The following MTMR3 variants were observed in gnomAD, a reference collection of about 807,000 sequenced individuals.
The protein encoded by MTMR3 is phosphatidylinositol-3,5-bisphosphate 3-phosphatase MTMR3.
In MTMR3, 32 loss-of-function variants were observed where a neutral mutation model predicts 132.4. The ratio of observed to expected loss-of-function variants is 0.24; its 90% CI spans 0.18 to 0.32. MTMR3 has a LOEUF of 0.32. MTMR3 is among the 10% of genes least tolerant of loss of function. The pLI is 1.00. For missense variants in MTMR3, 1,216 were observed against 1,489.6 expected (o/e 0.82, Z 3.02); for synonymous variants, 556 against 550.3 (o/e 1.01, Z -0.14).
At chr22:30,017,677 G>A (rs1378119105) in intron 15 of MTMR3, 2 of 442,388 alleles carry the variant, frequency 4.5e-6, no homozygotes, top group Non-Finnish European at 7.9e-6. Flanking sequence ...ATGAGAAAGG[G>A]ATCTAAAAAA....
chr22:30,018,297 A>G (rs965135895), intron 16 of MTMR3: 6 of 496,574 alleles, frequency 1.2e-5, no homozygotes, highest in Middle Eastern at 5.1e-4. Flanking sequence ...GTTGTTTTGC[A>G]TACACTGAGC....
In MTMR3 at chr22:30,002,907, C is replaced by T; in HGVS notation, c.585C>T (p.Leu195=). The change falls in exon 9 of 20, where the codon CTC becomes CTT. Residue 195 remains leucine, a synonymous_variant. Coordinates refer to ENST00000401950, the MANE Select transcript of MTMR3 (RefSeq NM_021090.4). ...YKLCGSYPQE[L]IVPAWITDKE... is the part of the protein sequence containing the mutation. ...TATGTGGTAGCTATCCTCAAGAGCTCATAGTGCCTGCCTGGATCACTGACA... is the reference window on the plus strand; with the variant it reads ...TATGTGGTAGCTATCCTCAAGAGCTTATAGTGCCTGCCTGGATCACTGACA... 1 of 1,613,996 alleles carries T rather than the reference C, an allele frequency of 6.2e-7. No homozygotes were observed. The highest frequency in any genetic ancestry group is 8.5e-7 in the Non-Finnish European group (1 of 1,179,904).
chr22:29,942,587 T>C (rs548770215), intron 1 of MTMR3, among the ~76,000 whole-genome samples: 1 of 152,178 alleles, frequency 6.6e-6, no homozygotes, highest in Non-Finnish European at 1.5e-5. Flanking sequence ...ATCCCTCCGC[T>C]ACGACCGTAA....
intron 1 of MTMR3, among the ~76,000 whole-genome samples, chr22:29,936,307 C>T (rs2065748969): frequency 6.6e-6 from 1 of 152,156 alleles, no homozygotes; most frequent in South Asian, 2.1e-4. Flanking sequence ...GTTGCAGACT[C>T]ATTAATAAAC....
At chr22:29,923,373 G>C (rs1307916064) in intron 1 of MTMR3, among the ~76,000 whole-genome samples, 1 of 151,518 alleles carries the variant, frequency 6.6e-6, no homozygotes, top group East Asian at 1.9e-4. Context: ...TGCCCAGCTT[G>C]TATTTTTTTT....
At chr22:29,888,768 C>G (rs1425031918) in intron 1 of MTMR3, among the ~76,000 whole-genome samples, 1 of 101,882 alleles carries the variant, frequency 9.8e-6, no homozygotes, top group Non-Finnish European at 1.9e-5. Context: ...TTAGTTAATA[C>G]TTTTTTTTTT....
intron 1 of MTMR3, among the ~76,000 whole-genome samples, chr22:29,909,863 T>G (rs1310764309): frequency 6.6e-6 from 1 of 152,148 alleles, no homozygotes; most frequent in Non-Finnish European, 1.5e-5. Flanking sequence ...TAGTAGAAAG[T>G]GGGCCCTTTT....
intron 7 of MTMR3, 185 bp downstream of exon 7, chr22:29,991,855 G>A (rs2145910080): frequency 1.9e-6 from 1 of 540,446 alleles, no homozygotes; most frequent in Non-Finnish European, 3.0e-6. Flanking sequence ...TCCGGGGAAG[G>A]GAAGAACACT....
chr22:29,995,438 C>T (rs2067042852), intron 7 of MTMR3: 1 of 152,138 alleles, frequency 6.6e-6, no homozygotes. Flanking sequence ...TCAGGATCAG[C>T]CAGGGAGCTA....
chr22:29,924,673 A>T (rs1023807966), intron 1 of MTMR3, among the ~76,000 whole-genome samples: 1 of 152,154 alleles, frequency 6.6e-6, no homozygotes, highest in Non-Finnish European at 1.5e-5. Flanking sequence ...TCACAATATA[A>T]AGTCTTCCAA....
intron 2 of MTMR3, among the ~76,000 whole-genome samples, chr22:29,967,537 A>ATT (rs530917141): frequency 7.1e-5 from 10 of 141,564 alleles, no homozygotes; most frequent in African/African-American, 1.0e-4. Flanking sequence ...TGGCTTCTGT[A>ATT]TTTTTTTTTT....
intron 1 of MTMR3, among the ~76,000 whole-genome samples, chr22:29,918,721 C>CG (rs1569003789): frequency 6.6e-6 from 1 of 152,184 alleles, no homozygotes; most frequent in Non-Finnish European, 1.5e-5. Flanking sequence ...TAGTCTTCTG[C>CG]TTTCTTTGGA....
intron 11 of MTMR3, 36 bp from the exon 12 acceptor site, chr22:30,008,982 A>G (rs1398914057): frequency 3.4e-6 from 5 of 1,456,432 alleles, no homozygotes; most frequent in Non-Finnish European, 3.8e-6. Context: ...TTTAAGTTCA[A>G]CGTATTTGTG....
intron 3 of MTMR3, among the ~76,000 whole-genome samples, chr22:29,972,846 C>G (rs1362197508): frequency 2.6e-5 from 4 of 152,240 alleles, no homozygotes; most frequent in Non-Finnish European, 4.4e-5. Flanking sequence ...GCTGGGATCA[C>G]AGGCATGAGC....
intron 1 of MTMR3, among the ~76,000 whole-genome samples, chr22:29,944,297 CTTATCTCCACTGCTT>C (rs1392027533): frequency 2.6e-5 from 4 of 151,788 alleles, no homozygotes; most frequent in Admixed American, 2.6e-4. Flanking sequence ...CAATCTAATA[CTTATCTCCACTGCTT>C]TTATCTACCC....
chr22:30,012,239 T>G (rs972922447), intron 12 of MTMR3, 129 bp from the exon 13 acceptor site: 5 of 921,672 alleles, frequency 5.4e-6, no homozygotes, highest in East Asian at 5.1e-5. Context: ...CACAGATTTT[T>G]TTGTTTTGGC....
chr22:29,982,956 T>TGTGC (rs2066783988), intron 5 of MTMR3: 1 of 151,398 alleles, frequency 6.6e-6, no homozygotes, highest in Non-Finnish European at 1.5e-5. Context: ...TGTGTGTGTG[T>TGTGC]GTGTGTGTGT....
Position 30,009,118 on chromosome 22 carries a change from A to G in MTMR3, c.1110A>G (p.Pro370=), listed in dbSNP as rs1459467106. 1.9e-6 allele frequency: 3 copies of G among 1,606,590 alleles called. No individual in the cohort carries two copies. Among genetic ancestry groups the G allele is most frequent in the Non-Finnish European group, 2.6e-6 (3 of 1,173,132 alleles). ...TGCGGTTGCTGTGCACTCAGATGCCAGATCCGGGAAAGTAAGTCCTTGGCC... is the reference window on the plus strand; with the variant it reads ...TGCGGTTGCTGTGCACTCAGATGCCGGATCCGGGAAAGTAAGTCCTTGGCC... The part of the protein sequence containing the change: ...QSLRLLCTQM[P]DPGNWLSALE... Residue 370 remains proline (P), a synonymous_variant, in exon 12 of 20, where the codon CCA becomes CCG. Coordinates refer to ENST00000401950, the MANE Select transcript of MTMR3 (RefSeq NM_021090.4).
chr22:30,012,737 C>T, intron 13 of MTMR3, 174 bp downstream of exon 13: 1 of 607,744 alleles, frequency 1.6e-6, no homozygotes. Flanking sequence ...ACAGTTCTTG[C>T]ACCTCTTAAA....
Sources: allele counts gnomAD v4.1 joint callset (sites outside exome capture counted in the v4.1 genomes callset), GRCh38; gene constraint gnomAD v4.1.1; transcripts MANE v1.5; gene names NCBI Gene and HGNC (gene_info 2026-07-23, HGNC 2026-07-21).